Variants in KIRREL3 observed in about 807,000 individuals in gnomAD.
KIRREL3 encodes kirre like nephrin family adhesion molecule 3, also known as kin of IRRE-like protein 3.
Under a neutral mutation model 89.7 loss-of-function variants are expected in KIRREL3, and 36 were observed. The observed-to-expected ratio is 0.40, with a 90% CI of 0.31 to 0.53. KIRREL3 has a LOEUF of 0.53. Ranked by LOEUF, KIRREL3 falls within the 20% of genes least tolerant of loss-of-function variation. The pLI is 0.49. For missense variants in KIRREL3, 864 were observed against 1,056.6 expected, an observed-to-expected ratio of 0.82 and a Z score of 2.53; for synonymous variants, 445 against 441.4, an observed-to-expected ratio of 1.01 and a Z score of -0.10.
chr11:126,817,891 AG>A lies in KIRREL3; in HGVS notation c.55+182563del, dbSNP rs2134443646. Among the ~76,000 whole-genome samples, 1 of 152,312 alleles carries A rather than the reference AG, an allele frequency of 6.6e-6. No homozygotes were observed. Among genetic ancestry groups the A allele is most frequent in the Non-Finnish European group, 1.5e-5 (1 of 68,032 alleles). On this transcript the variant is annotated intron_variant, in intron 1 of 16. Transcript: ENST00000525144. This position sits in a 1 kb window ranked among gnomAD's most constrained non-coding sequence, Gnocchi z 5.7. ...CTACAACCCACGGGTGGGAAGCTCT[AG>A]ATCTTGGCACCCCGTCCTCTTGGCT... is the stretch of plus-strand genomic sequence containing the variant.
Position 126,622,735 on chromosome 11 carries a change from A to T in KIRREL3, c.56-59823T>A, listed in dbSNP as rs1023431407. Among the ~76,000 whole-genome samples the T allele has an allele frequency of 1.3e-5, 2 of 152,212 alleles. No homozygotes were observed. Among genetic ancestry groups the T allele is most frequent in the Non-Finnish European group, 2.9e-5 (2 of 68,046 alleles). On this transcript the variant is annotated intron_variant, in intron 1 of 16. Coordinates refer to ENST00000525144, the MANE Select transcript of KIRREL3 (RefSeq NM_032531.4). The surrounding 1 kb of genome is among the most constrained non-coding windows in gnomAD (Gnocchi z 5.2). Reference sequence around the variant, plus strand: ...AAAACTCCACAAAACTTCAGTGGAGACTAGATTCTTGACTACTAGGAACTC... The same window carrying T: ...AAAACTCCACAAAACTTCAGTGGAGTCTAGATTCTTGACTACTAGGAACTC...
chr11:126,485,459 A>T lies in KIRREL3; in HGVS notation c.434-11993T>A, dbSNP rs1395645048. Among the ~76,000 whole-genome samples the T allele has an allele frequency of 6.6e-6, 1 of 152,188 alleles. No individual in the cohort carries two copies. Among genetic ancestry groups the T allele is most frequent in the Non-Finnish European group, 1.5e-5 (1 of 68,018 alleles). On this transcript the variant is annotated intron_variant, in intron 4 of 16. Coordinates refer to ENST00000525144, the MANE Select transcript of KIRREL3 (RefSeq NM_032531.4). This position sits in a 1 kb window ranked among gnomAD's most constrained non-coding sequence, Gnocchi z 5.8. ...GCCTGGCTGGGCTTCTGGCTCCGTC[A>T]TTCACTGGCCACGTGACCATGTGCA...
chr11:126,796,639 C>T lies in KIRREL3; in HGVS notation c.55+203816G>A, dbSNP rs1034569682. Among the ~76,000 whole-genome samples, 4 of 152,068 alleles carry T rather than the reference C, an allele frequency of 2.6e-5. No homozygotes were observed. The highest frequency in any genetic ancestry group is 5.9e-5 in the Non-Finnish European group (4 of 68,004). On this transcript the variant is annotated intron_variant, in intron 1 of 16. Coordinates refer to ENST00000525144, the MANE Select transcript of KIRREL3 (RefSeq NM_032531.4). This position sits in a 1 kb window ranked among gnomAD's most constrained non-coding sequence, Gnocchi z 5.1. ...CTTATGTTAAGCATTGCCCCCAACC[C>T]TGCTTTTTATTTATTTTTATTCTTT...
chr11:126,661,716 G>C (rs1402508368), intron 1 of KIRREL3, among the ~76,000 whole-genome samples: 1 of 152,200 alleles, frequency 6.6e-6, no homozygotes, highest in South Asian at 2.1e-4. Context: ...TCACCTGAGG[G>C]AGCTAGAAAA....
chr11:126,440,612 G>T (rs1955527457), intron 10 of KIRREL3, 63 bp from the exon 11 acceptor site: 1 of 1,410,666 alleles, frequency 7.1e-7, no homozygotes, highest in Admixed American at 2.0e-5. Context: ...GCGCCCTCTT[G>T]GGTGGGTTCA....
In KIRREL3 at chr11:126,498,303, CAA is replaced by C. The variant is rs1271137135; in HGVS notation, c.433+23010_433+23011del. On this transcript the variant is annotated intron_variant, in intron 4 of 16. Transcript: ENST00000525144. This position sits in a 1 kb window ranked among gnomAD's most constrained non-coding sequence, Gnocchi z 4.3. Reference sequence around the variant, plus strand: ...AAAGAAAACGCCCATTTTCTCACTCCAAGTTTCCCCCTCATTAATTTTAATCT... The same window carrying C: ...AAAGAAAACGCCCATTTTCTCACTCCGTTTCCCCCTCATTAATTTTAATCT... Among the ~76,000 whole-genome samples, 1 of 152,182 alleles carries C rather than the reference CAA, an allele frequency of 6.6e-6. No homozygotes were observed. The highest frequency in any genetic ancestry group is 2.4e-5 in the African/African-American group (1 of 41,448).
chr11:126,910,821 G>A (rs1381262601), intron 1 of KIRREL3, among the ~76,000 whole-genome samples: 1 of 152,198 alleles, frequency 6.6e-6, no homozygotes. Flanking sequence ...ACCTGCTAGG[G>A]GAAACATCTC....
chr11:126,820,183 C>T (rs1213748950), intron 1 of KIRREL3, among the ~76,000 whole-genome samples: 1 of 152,168 alleles, frequency 6.6e-6, no homozygotes, highest in Admixed American at 6.5e-5. Flanking sequence ...AGAGTGATTT[C>T]AGCTAGCACA....
rs1946530451 is a variant in KIRREL3 at position 126,905,228 on chromosome 11, C to T, written c.55+95227G>A. Among the ~76,000 whole-genome samples, 1 of 152,074 alleles carries T rather than the reference C, an allele frequency of 6.6e-6. No homozygotes were observed. The highest frequency in any genetic ancestry group is 1.5e-5 in the Non-Finnish European group (1 of 68,024). On this transcript the variant is annotated intron_variant, in intron 1 of 16. Coordinates refer to ENST00000525144, the MANE Select transcript of KIRREL3 (RefSeq NM_032531.4). The surrounding 1 kb of genome is among the most constrained non-coding windows in gnomAD (Gnocchi z 5.0). Reference sequence around the variant, plus strand: ...TGGCTTACTTCCAATAAGTCACCTTCCATGGCAAGGGGAGGGTGGGTGATA... The same window carrying T: ...TGGCTTACTTCCAATAAGTCACCTTTCATGGCAAGGGGAGGGTGGGTGATA...
intron 1 of KIRREL3, among the ~76,000 whole-genome samples, chr11:126,950,191 G>T (rs1166536260): frequency 6.6e-6 from 1 of 152,122 alleles, no homozygotes; most frequent in East Asian, 1.9e-4. Context: ...GGCCCACATG[G>T]TGAAACTCTA....
chr11:126,874,718 C>A (rs1945215254), intron 1 of KIRREL3, among the ~76,000 whole-genome samples: 1 of 152,184 alleles, frequency 6.6e-6, no homozygotes, highest in African/African-American at 2.4e-5. Context: ...AACTGGCACA[C>A]TTTCCTTTTG....
At chr11:126,915,474 C>T (rs1336716855) in intron 1 of KIRREL3, among the ~76,000 whole-genome samples, 3 of 152,104 alleles carry the variant, frequency 2.0e-5, no homozygotes, top group Non-Finnish European at 4.4e-5. Flanking sequence ...GTATCCTCAT[C>T]GGGCCCAGAT....
chr11:126,513,185 T>C lies in KIRREL3; in HGVS notation c.433+8130A>G, dbSNP rs945256959. The stretch of plus-strand genomic sequence containing the variant: ...GAGGCTGAACCCCTACCATAAGCAG[T>C]AGACCATGAGTGGGCTCCTAAGAAC... On this transcript the variant is annotated intron_variant, in intron 4 of 16. Transcript: ENST00000525144. The surrounding 1 kb of genome is among the most constrained non-coding windows in gnomAD (Gnocchi z 5.9). Among the ~76,000 whole-genome samples the C allele has an allele frequency of 2.6e-5, 4 of 152,124 alleles. No individual in the cohort carries two copies. Among genetic ancestry groups the C allele is most frequent in the Non-Finnish European group, 4.4e-5 (3 of 67,998 alleles).
intron 1 of KIRREL3, among the ~76,000 whole-genome samples, chr11:126,725,452 G>T (rs1948341741): frequency 6.6e-6 from 1 of 152,218 alleles, no homozygotes; most frequent in Non-Finnish European, 1.5e-5. Context: ...ACCCGCATGG[G>T]CATTTCTTTC....
At position 126,605,379 on chromosome 11, in the gene KIRREL3, T is replaced by C. The variant is rs1942844188; in HGVS notation, c.56-42467A>G. Among the ~76,000 whole-genome samples the C allele has an allele frequency of 6.6e-6, 1 of 152,154 alleles. No homozygotes were observed. Among genetic ancestry groups the C allele is most frequent in the South Asian group, 2.1e-4 (1 of 4,822 alleles). ...CAATGGAGCACCCATGGTCTCCAGG[T>C]CTCAGGCCACTTGGGTCTGGGATTT... is the stretch of plus-strand genomic sequence containing the variant. On this transcript the variant is annotated intron_variant, in intron 1 of 16. Transcript: ENST00000525144. This position sits in a 1 kb window ranked among gnomAD's most constrained non-coding sequence, Gnocchi z 5.7.
rs932153641 is a variant in KIRREL3, at chr11:126,609,593, G to C, written c.56-46681C>G. Among the ~76,000 whole-genome samples the C allele has an allele frequency of 3.9e-5, 6 of 152,154 alleles. No individual in the cohort carries two copies. Among genetic ancestry groups the C allele is most frequent in the Admixed American group, 2.0e-4 (3 of 15,272 alleles). On this transcript the variant is annotated intron_variant, in intron 1 of 16. Coordinates refer to ENST00000525144, the MANE Select transcript of KIRREL3 (RefSeq NM_032531.4). This position sits in a 1 kb window ranked among gnomAD's most constrained non-coding sequence, Gnocchi z 5.0. ...CTTGCACTAAGCTCAGCTCCTTTCT[G>C]GGGGGACCTCCGATGCATGCTCACT...
In KIRREL3 at chr11:126,527,770, G is replaced by A. The variant is rs891798936; in HGVS notation, c.134-1083C>T. 2.6e-5 allele frequency among the ~76,000 whole-genome samples: 4 copies of A among 152,148 alleles called. No homozygotes were observed. Among genetic ancestry groups the A allele is most frequent in the African/African-American group, 7.2e-5 (3 of 41,424 alleles). Reference sequence around the variant, plus strand: ...TAGTGGGAGTTGGGGTGGGTGGTGCGGTGAATCCAAGTCTTTCTGGCTCTG... The same window carrying A: ...TAGTGGGAGTTGGGGTGGGTGGTGCAGTGAATCCAAGTCTTTCTGGCTCTG... On this transcript the variant is annotated intron_variant, in intron 2 of 16. Coordinates refer to ENST00000525144, the MANE Select transcript of KIRREL3 (RefSeq NM_032531.4). This position sits in a 1 kb window ranked among gnomAD's most constrained non-coding sequence, Gnocchi z 4.2.
intron 1 of KIRREL3, among the ~76,000 whole-genome samples, chr11:126,692,050 G>A (rs916055230): frequency 6.6e-6 from 1 of 152,170 alleles, no homozygotes; most frequent in Non-Finnish European, 1.5e-5. Context: ...GAGAAATTGG[G>A]ACCCTTGTGC....
In KIRREL3 at chr11:126,776,903, T is replaced by C. The variant is rs1380681603; in HGVS notation, c.56-213991A>G. Among the ~76,000 whole-genome samples the C allele has an allele frequency of 6.6e-6, 1 of 152,176 alleles. No homozygotes were observed. Among genetic ancestry groups the C allele is most frequent in the Admixed American group, 6.5e-5 (1 of 15,282 alleles). ...ATGGAGTGCAGGAGACCGGTGCCCATGGGAAGCCTCCAAAAGTCTTGAAAG... is the reference window on the plus strand; with the variant it reads ...ATGGAGTGCAGGAGACCGGTGCCCACGGGAAGCCTCCAAAAGTCTTGAAAG... On this transcript the variant is annotated intron_variant, in intron 1 of 16. Coordinates refer to ENST00000525144, the MANE Select transcript of KIRREL3 (RefSeq NM_032531.4). The surrounding 1 kb of genome is among the most constrained non-coding windows in gnomAD (Gnocchi z 4.7).
Sources: gnomAD v4.1 joint callset for allele counts (sites outside exome capture counted in the v4.1 genomes callset) on GRCh38, gnomAD v4.1.1 for gene constraint, Gnocchi (gnomAD v3.1) non-coding constraint, MANE v1.5 for transcripts, NCBI Gene and HGNC (gene_info 2026-07-23, HGNC 2026-07-21) for gene names.